The following CNBD1 variants were observed in gnomAD, a reference collection of about 807,000 sequenced individuals.
CNBD1 encodes the protein cyclic nucleotide binding domain containing 1.
In CNBD1, 71 loss-of-function variants were observed where a neutral mutation model predicts 54.4. The ratio of observed to expected loss-of-function variants is 1.30; its 90% CI spans 1.08 to 1.59. CNBD1 has a LOEUF of 1.59. Ranked by LOEUF, CNBD1 falls within the 40% of genes most tolerant of loss-of-function variation. CNBD1 has a pLI of 0.00. For missense variants in CNBD1, 659 were observed against 518.0 expected (o/e 1.27, Z -2.64); for synonymous variants, 182 against 170.7 (o/e 1.07, Z -0.51).
chr8:86,990,593 G>C (rs1323894769), intron 4 of CNBD1, among the ~76,000 whole-genome samples: 1 of 152,076 alleles, frequency 6.6e-6, no homozygotes, highest in Non-Finnish European at 1.5e-5. Flanking sequence ...GGTTACTATA[G>C]CTCTGTAGTA....
At chr8:87,047,011 CAGTT>C (rs1315047092) in intron 4 of CNBD1, among the ~76,000 whole-genome samples, 1 of 152,160 alleles carries the variant, frequency 6.6e-6, no homozygotes, top group African/African-American at 2.4e-5. Context: ...TTTAGAATCA[CAGTT>C]AGGAGGCGTG....
At position 86,884,504 on chromosome 8, in the gene CNBD1, A is replaced by G. The variant is rs111627164; in HGVS notation, c.89-3038A>G. ...AAAACTAGTTGAAAAATGGGTAGAT[A>G]CACTATGAACCATTAACATAGGTAT... On this transcript the variant is annotated intron_variant, in intron 1 of 10. Transcript: ENST00000518476. Among the ~76,000 whole-genome samples, 1,155 of 152,308 alleles carry G rather than the reference A, an allele frequency of 7.6e-3. 15 individuals carry two copies. Among genetic ancestry groups the G allele is most frequent in the African/African-American group, 0.026 (1,098 of 41,558 alleles).
intron 2 of CNBD1, among the ~76,000 whole-genome samples, chr8:87,423,757 C>T (rs1807989053): frequency 6.6e-6 from 1 of 151,678 alleles, no homozygotes. Flanking sequence ...TGTGTCTCTG[C>T]CCGGCTTTTG....
intron 4 of CNBD1, among the ~76,000 whole-genome samples, chr8:87,009,807 G>A (rs1418248524): frequency 6.6e-6 from 1 of 152,054 alleles, no homozygotes; most frequent in African/African-American, 2.4e-5. Flanking sequence ...TTTATCTTAA[G>A]CATCTTCATT....
intron 2 of CNBD1, among the ~76,000 whole-genome samples, chr8:87,415,763 C>A (rs1807824213): frequency 6.6e-6 from 1 of 151,460 alleles, no homozygotes; most frequent in Non-Finnish European, 1.5e-5. Context: ...AGATAAACCT[C>A]CTGCTTAAAA....
At chr8:87,308,791 T>C (rs561119360) in intron 8 of CNBD1, among the ~76,000 whole-genome samples, 1 of 152,256 alleles carries the variant, frequency 6.6e-6, no homozygotes, top group East Asian at 1.9e-4. Context: ...ACTCTGTACC[T>C]CCATGAGATC....
At chr8:86,872,856 C>T (rs1808460465) in intron 1 of CNBD1, among the ~76,000 whole-genome samples, 1 of 152,150 alleles carries the variant, frequency 6.6e-6, no homozygotes, top group Non-Finnish European at 1.5e-5. Flanking sequence ...CAAATATAGT[C>T]TCCATTCTGT....
At chr8:86,938,205 C>G (rs1809585411) in intron 3 of CNBD1, among the ~76,000 whole-genome samples, 4 of 152,178 alleles carry the variant, frequency 2.6e-5, no homozygotes, top group African/African-American at 9.7e-5. Context: ...TTCCTCATCT[C>G]CATCTGAGAC....
intron 4 of CNBD1, among the ~76,000 whole-genome samples, chr8:87,000,720 C>T (rs1381936909): frequency 3.3e-5 from 5 of 152,152 alleles, no homozygotes; most frequent in African/African-American, 1.2e-4. Flanking sequence ...TTGGATCTCA[C>T]TTTCATTCTT....
At chr8:87,287,057 A>G (rs1052422307) in intron 8 of CNBD1, among the ~76,000 whole-genome samples, 2 of 152,152 alleles carry the variant, frequency 1.3e-5, no homozygotes, top group Non-Finnish European at 2.9e-5. Flanking sequence ...GTGGATAACT[A>G]TTTAAGCAGC....
chr8:86,982,055 C>T (rs1808499616), intron 4 of CNBD1, among the ~76,000 whole-genome samples: 1 of 152,200 alleles, frequency 6.6e-6, no homozygotes, highest in Non-Finnish European at 1.5e-5. Flanking sequence ...AGTTGCTCCA[C>T]ATCCTGACCA....
At chr8:87,210,120 T>C (rs1016522414) in intron 5 of CNBD1, among the ~76,000 whole-genome samples, 2 of 152,200 alleles carry the variant, frequency 1.3e-5, no homozygotes, top group African/African-American at 4.8e-5. Flanking sequence ...TGTTTGAATT[T>C]ATGAGTGACG....
intron 10 of CNBD1, among the ~76,000 whole-genome samples, chr8:87,372,890 T>G (rs75591107): frequency 1.3e-5 from 2 of 151,752 alleles, no homozygotes; most frequent in African/African-American, 4.8e-5. Context: ...AGGAAGAGCA[T>G]TGTCAACTTT....
intron 2 of CNBD1, among the ~76,000 whole-genome samples, chr8:87,426,461 G>A (rs1468814351): frequency 6.6e-6 from 1 of 152,108 alleles, no homozygotes; most frequent in African/African-American, 2.4e-5. Context: ...TGTTCCTACA[G>A]TTTCACAACC....
chr8:87,420,306 C>T (rs1367334921), intron 2 of CNBD1, among the ~76,000 whole-genome samples: 2 of 151,920 alleles, frequency 1.3e-5, no homozygotes, highest in Non-Finnish European at 2.9e-5. Flanking sequence ...ACAGCAGGAC[C>T]TTTTAAATTA....
At chr8:87,385,334 G>A (rs539195493), downstream of CNBD1, among the ~76,000 whole-genome samples, 49 of 151,972 alleles carry the variant, frequency 3.2e-4, no homozygotes, top group South Asian at 8.3e-3. Context: ...CGCCTCACCC[G>A]GGAAGGGCAG....
chr8:86,993,879 C>T (rs1214755139), intron 4 of CNBD1, among the ~76,000 whole-genome samples: 1 of 152,222 alleles, frequency 6.6e-6, no homozygotes, highest in Non-Finnish European at 1.5e-5. Context: ...ATGACCTCAT[C>T]ACTATGTCTG....
chr8:87,341,036 G>A (rs1810053425), intron 8 of CNBD1, among the ~76,000 whole-genome samples: 1 of 152,084 alleles, frequency 6.6e-6, no homozygotes, highest in Non-Finnish European at 1.5e-5. Context: ...CGTTCATACA[G>A]GGAAGGACTT....
chr8:87,250,085 A>T (rs925650911), intron 6 of CNBD1, among the ~76,000 whole-genome samples: 1 of 152,208 alleles, frequency 6.6e-6, no homozygotes, highest in African/African-American at 2.4e-5. Context: ...TTTAAAAGGG[A>T]TTAATAACCA....
Sources: gnomAD v4.1 joint callset for allele counts (sites outside exome capture counted in the v4.1 genomes callset) on GRCh38, gnomAD v4.1.1 for gene constraint, MANE v1.5 for transcripts, NCBI Gene and HGNC (gene_info 2026-07-23, HGNC 2026-07-21) for gene names.